The following GNG2 variants were observed in gnomAD, a reference collection of about 807,000 sequenced individuals.
The protein encoded by GNG2 is G protein subunit gamma 2, also known as guanine nucleotide-binding protein G(I)/G(S)/G(O) subunit gamma-2.
A neutral mutation model predicts 5.5 loss-of-function variants in GNG2; 5 were observed. The ratio of observed to expected loss-of-function variants is 0.91; its 90% CI spans 0.48 to 1.92. The LOEUF is 1.92. Among genes scored for constraint, GNG2 ranks in the 30% most tolerant of loss-of-function variants. The pLI is 0.01. For synonymous variants in GNG2, 28 were observed against 32.0 expected (o/e 0.88, Z 0.42); for missense variants, 55 against 88.4 (o/e 0.62, Z 1.52).
intron 2 of GNG2, among the ~76,000 whole-genome samples, chr14:51,828,099 T>C (rs1252371380): frequency 1.3e-5 from 2 of 152,188 alleles, no homozygotes; most frequent in Non-Finnish European, 2.9e-5. Flanking sequence ...ATGAGTTATT[T>C]GGTGCCACTG....
chr14:51,960,039 A>T (rs1302334317), intron 3 of GNG2, among the ~76,000 whole-genome samples: 1 of 151,968 alleles, frequency 6.6e-6, no homozygotes, highest in Non-Finnish European at 1.5e-5. Context: ...TAAATTTGGA[A>T]ATTTTTCAGC....
intron 2 of GNG2, among the ~76,000 whole-genome samples, chr14:51,896,600 A>C (rs1399822516): frequency 6.6e-6 from 1 of 152,222 alleles, no homozygotes; most frequent in Non-Finnish European, 1.5e-5. Flanking sequence ...TCACCAAAAT[A>C]TGAATTTGAT....
chr14:51,932,263 A>C (rs1042813274), intron 2 of GNG2, among the ~76,000 whole-genome samples: 1 of 141,078 alleles, frequency 7.1e-6, no homozygotes, highest in African/African-American at 2.6e-5. Context: ...AAAAAAAAAA[A>C]AAAAAAAAAG....
In GNG2 at chr14:51,896,473, C is replaced by T. The variant is rs534123475; in HGVS notation, c.-30+18816C>T. 5.3e-5 allele frequency among the ~76,000 whole-genome samples: 8 copies of T among 152,042 alleles called. No homozygotes were observed. The South Asian group carries it at 1.7e-3, about 32-fold the overall frequency. ...AAGTATAAGTTTCCAAATAACAGTC[C>T]AAAAATTGAGAATGAGATAAGATGA... On this transcript the variant is annotated intron_variant, in intron 2 of 3. Transcript: ENST00000556766.
intron 2 of GNG2, among the ~76,000 whole-genome samples, chr14:51,916,976 C>G (rs1006434633): frequency 6.6e-6 from 1 of 151,992 alleles, no homozygotes; most frequent in Non-Finnish European, 1.5e-5. Context: ...TCAGACCTCA[C>G]CCATTGATGG....
rs904873128 is a variant in GNG2, at chr14:51,860,648, A to T, written c.-213A>T. 6.5e-6 allele frequency: 1 copy of T among 153,144 alleles called. No individual in the cohort carries two copies. Among genetic ancestry groups the T allele is most frequent in the Non-Finnish European group, 1.5e-5 (1 of 68,842 alleles). The allele number at this position is 153,144 out of a possible 1,614,324, so 9.5% of individuals were successfully genotyped here. On this transcript the variant is annotated 5_prime_UTR_variant, in exon 1 of 4. Coordinates refer to ENST00000556766, the MANE Select transcript of GNG2 (RefSeq NM_053064.5). ...TGCAGCCGCTGCTACACATACTCAC[A>T]ACGCTGCCGCCGCGCTCCGTGGGCA...
chr14:51,932,740 C>T (rs1195655271), intron 2 of GNG2, among the ~76,000 whole-genome samples: 2 of 152,184 alleles, frequency 1.3e-5, no homozygotes, highest in African/African-American at 4.8e-5. Flanking sequence ...GTGTTAAATA[C>T]TGCTGGGAGG....
At chr14:51,895,475 T>G (rs1486293025) in intron 2 of GNG2, among the ~76,000 whole-genome samples, 1 of 152,208 alleles carries the variant, frequency 6.6e-6, no homozygotes, top group Non-Finnish European at 1.5e-5. Context: ...GATGCCAAGA[T>G]GTTTACTTAT....
At chr14:51,830,134 C>T (rs1881142018) in intron 2 of GNG2, among the ~76,000 whole-genome samples, 1 of 152,156 alleles carries the variant, frequency 6.6e-6, no homozygotes, top group Non-Finnish European at 1.5e-5. Context: ...GGCCACCATG[C>T]CCAGCTCACT....
At chr14:51,848,676 G>A (rs1265430055) in intron 2 of GNG2, among the ~76,000 whole-genome samples, 1 of 152,212 alleles carries the variant, frequency 6.6e-6, no homozygotes, top group African/African-American at 2.4e-5. Context: ...GGAGAATGAA[G>A]GGAGTATTTA....
Position 51,845,082 on chromosome 14 carries a change from T to C in GNG2, c.64+17275T>C, listed in dbSNP as rs926003696. Among the ~76,000 whole-genome samples, 4 of 152,244 alleles carry C rather than the reference T, an allele frequency of 2.6e-5. No individual in the cohort carries two copies. In the East Asian group the frequency reaches 7.7e-4, roughly 29 times the overall value. On this transcript the variant is annotated intron_variant, in intron 2 of 3. Coordinates refer to the GNG2 transcript ENST00000553432. ...TGCTCTTGCTTTGATTTAAAATAGA[T>C]AAAAAACACTGAATTTATTGTGAAT... is the stretch of plus-strand genomic sequence containing the variant.
At chr14:51,835,136 G>A (rs990487274) in intron 2 of GNG2, among the ~76,000 whole-genome samples, 1 of 152,214 alleles carries the variant, frequency 6.6e-6, no homozygotes, top group African/African-American at 2.4e-5. Flanking sequence ...AGGTTAACCT[G>A]ATGTTTATGA....
At chr14:51,906,118 T>G (rs775406400) in intron 2 of GNG2, among the ~76,000 whole-genome samples, 27 of 152,226 alleles carry the variant, frequency 1.8e-4, no homozygotes, top group Non-Finnish European at 3.1e-4. Flanking sequence ...TGCTATCACT[T>G]TATTGCACAG....
At position 51,930,637 on chromosome 14, in the gene GNG2, A is replaced by G. The variant is rs138332243; in HGVS notation, c.-29-20013A>G. ...AAGGCGACCTTTCACTATTAAATGT[A>G]TCACTTGTGTTGTTCCATTCTTGCA... On this transcript the variant is annotated intron_variant, in intron 2 of 3. Transcript: ENST00000556766. Among the ~76,000 whole-genome samples the G allele has an allele frequency of 3.3e-5, 5 of 152,350 alleles. No homozygotes were observed. The East Asian group carries it at 9.6e-4, about 29-fold the overall frequency.
upstream of GNG2, among the ~76,000 whole-genome samples, chr14:51,859,034 T>A (rs969981066): frequency 6.6e-6 from 1 of 152,182 alleles, no homozygotes; most frequent in African/African-American, 2.4e-5. Context: ...CCTCACGATG[T>A]GTTTGGAAGG....
chr14:51,944,665 G>T (rs899375511), intron 2 of GNG2, among the ~76,000 whole-genome samples: 1 of 152,116 alleles, frequency 6.6e-6, no homozygotes, highest in Non-Finnish European at 1.5e-5. Flanking sequence ...TGGATCAAAC[G>T]CCTAAACATA....
At chr14:51,924,049 G>C (rs2140231097) in intron 2 of GNG2, among the ~76,000 whole-genome samples, 1 of 152,248 alleles carries the variant, frequency 6.6e-6, no homozygotes, top group Middle Eastern at 3.4e-3. Flanking sequence ...CATATTTATT[G>C]ATAGGCTTAA....
intron 3 of GNG2, chr14:51,951,909 A>G (rs1888998014): frequency 4.3e-6 from 3 of 702,022 alleles, no homozygotes; most frequent in South Asian, 1.5e-5. Context: ...CCCCTGGTCT[A>G]CAGCGATGGT....
chr14:51,880,121 G>A (rs1324136165), intron 2 of GNG2, among the ~76,000 whole-genome samples: 1 of 152,172 alleles, frequency 6.6e-6, no homozygotes, highest in Non-Finnish European at 1.5e-5. Flanking sequence ...GGATCAAGGG[G>A]ACTGGTTGAA....
Sources: gnomAD v4.1 joint callset for allele counts (sites outside exome capture counted in the v4.1 genomes callset) on GRCh38, gnomAD v4.1.1 for gene constraint, MANE v1.5 for transcripts, NCBI Gene and HGNC (gene_info 2026-07-23, HGNC 2026-07-21) for gene names.